SUMF1: variants seen among roughly 807,000 people sequenced by gnomAD.
SUMF1 encodes formylglycine-generating enzyme.
SUMF1 carries 48 observed loss-of-function variants against 47.6 expected under a neutral mutation model. The ratio of observed to expected loss-of-function variants is 1.01; its 90% CI spans 0.80 to 1.28. The LOEUF is 1.28. Among genes scored for constraint, SUMF1 ranks in the 50% most tolerant of loss-of-function variants. The pLI, the probability that SUMF1 is intolerant of heterozygous loss-of-function variation, is 0.00. For missense variants in SUMF1, 571 were observed against 485.4 expected, an observed-to-expected ratio of 1.18 and a Z score of -1.66; for synonymous variants, 230 against 192.1, an observed-to-expected ratio of 1.20 and a Z score of -1.63.
At chr3:4,083,635 G>C (rs1268582032) in intron 8 of SUMF1, among the ~76,000 whole-genome samples, 1 of 152,074 alleles carries the variant, frequency 6.6e-6, no homozygotes, top group Non-Finnish European at 1.5e-5. Flanking sequence ...TCTTATAGAA[G>C]AACTTATACC....
chr3:4,075,729 C>A (rs1270788583), intron 8 of SUMF1, among the ~76,000 whole-genome samples: 1 of 152,000 alleles, frequency 6.6e-6, no homozygotes, highest in Non-Finnish European at 1.5e-5. Context: ...GAGTGAACTC[C>A]CATTCACAAT....
intron 8 of SUMF1, among the ~76,000 whole-genome samples, chr3:4,147,262 C>A (rs1175604789): frequency 6.6e-6 from 1 of 152,074 alleles, no homozygotes; most frequent in Non-Finnish European, 1.5e-5. Flanking sequence ...TGTGGCGATT[C>A]CTCAGGGATC....
intron 7 of SUMF1, among the ~76,000 whole-genome samples, chr3:4,403,016 G>A (rs1332347995): frequency 6.6e-6 from 1 of 152,196 alleles, no homozygotes; most frequent in East Asian, 1.9e-4. Context: ...CACAGTAACA[G>A]TAGGCGTGCC....
At chr3:4,244,782 G>C (rs777001612) in intron 8 of SUMF1, among the ~76,000 whole-genome samples, 4 of 151,776 alleles carry the variant, frequency 2.6e-5, no homozygotes, top group African/African-American at 9.7e-5. Context: ...CTCTGAATTT[G>C]AATGTTGGCC....
chr3:4,168,487 T>G (rs2125121145), intron 8 of SUMF1, among the ~76,000 whole-genome samples: 1 of 152,288 alleles, frequency 6.6e-6, no homozygotes, highest in South Asian at 2.1e-4. Context: ...ATTAAACTAT[T>G]AGTAGGTGGT....
At chr3:4,428,688 G>A (rs943589795) in intron 3 of SUMF1, among the ~76,000 whole-genome samples, 6 of 145,978 alleles carry the variant, frequency 4.1e-5, no homozygotes, top group African/African-American at 7.5e-5. Context: ...CGTCTACAGC[G>A]AACATATTTT....
chr3:4,142,593 C>T (rs1042029249), intron 8 of SUMF1, among the ~76,000 whole-genome samples: 14 of 152,084 alleles, frequency 9.2e-5, no homozygotes, highest in African/African-American at 3.1e-4. Flanking sequence ...CAGTTTTCTG[C>T]TTGCTTAAGG....
chr3:4,256,105 C>T (rs1471466973), intron 8 of SUMF1, among the ~76,000 whole-genome samples: 7 of 145,466 alleles, frequency 4.8e-5, no homozygotes. Context: ...CTCTGGGACG[C>T]ATTCAAAGCA....
chr3:4,267,342 A>C (rs1037553489), intron 8 of SUMF1, among the ~76,000 whole-genome samples: 2 of 152,154 alleles, frequency 1.3e-5, no homozygotes, highest in African/African-American at 4.8e-5. Flanking sequence ...TCGGCTGTGA[A>C]TCCATCTGGT....
chr3:4,253,915 T>C (rs566652464), intron 8 of SUMF1, among the ~76,000 whole-genome samples: 1,930 of 150,176 alleles, frequency 0.013, 59 homozygotes, highest in African/African-American at 0.045. Context: ...GCTGGAGATC[T>C]GAGAACTGGC....
At chr3:4,335,440 C>T (rs1278222069) in intron 8 of SUMF1, among the ~76,000 whole-genome samples, 3 of 152,208 alleles carry the variant, frequency 2.0e-5, no homozygotes, top group African/African-American at 7.2e-5. Context: ...CAGCCTCTTA[C>T]CTGGAGATGG....
chr3:4,074,587 C>T (rs768953571), intron 8 of SUMF1, among the ~76,000 whole-genome samples: 1 of 151,904 alleles, frequency 6.6e-6, no homozygotes, highest in African/African-American at 2.4e-5. Context: ...AATAGATAAA[C>T]CACTAGCAAG....
intron 3 of SUMF1, among the ~76,000 whole-genome samples, chr3:4,421,198 G>A (rs1004349482): frequency 6.6e-6 from 1 of 152,182 alleles, no homozygotes; most frequent in African/African-American, 2.4e-5. Flanking sequence ...TCATGGCTCT[G>A]CTGTTCACGG....
chr3:4,436,130 A>G (rs937619486), intron 3 of SUMF1, among the ~76,000 whole-genome samples: 1 of 152,212 alleles, frequency 6.6e-6, no homozygotes, highest in Non-Finnish European at 1.5e-5. Context: ...TTTAAAAAGT[A>G]AATAAATAAA....
intron 9 of SUMF1, among the ~76,000 whole-genome samples, chr3:4,040,159 G>T (rs570097969): frequency 4.6e-5 from 7 of 152,184 alleles, no homozygotes; most frequent in Non-Finnish European, 8.8e-5. Flanking sequence ...TCACAATCTG[G>T]AAATATATCA....
rs572080908 is a variant in SUMF1 at position 4,251,928 on chromosome 3, G to A, written c.1014+124402C>T. On this transcript the variant is annotated intron_variant and NMD_transcript_variant, in intron 8 of 12. Transcript: ENST00000448413. ...AGATAATGCTATTTCACACTTAACA[G>A]ACCTACAGTAGTGTAAACATAAATT... Among the ~76,000 whole-genome samples the A allele has an allele frequency of 2.2e-4, 33 of 152,256 alleles. 1 individual carries two copies. The East Asian group carries it at 6.4e-3, about 29-fold the overall frequency.
chr3:4,222,317 C>G (rs1696084275), intron 8 of SUMF1, among the ~76,000 whole-genome samples: 1 of 152,056 alleles, frequency 6.6e-6, no homozygotes, highest in South Asian at 2.1e-4. Flanking sequence ...ATCACCTGAT[C>G]TTCCTCTACT....
rs1013162135 is a variant in SUMF1, at chr3:4,430,604, C to T, written c.520-10458G>A. On this transcript the variant is annotated intron_variant, in intron 3 of 8. Transcript: ENST00000272902. ...GGTTCATGATGCTATCTACGCATTC[C>T]GCAAATACTTGGTGAGCATCTTCTC... is the stretch of plus-strand genomic sequence containing the variant. Among the ~76,000 whole-genome samples the T allele has an allele frequency of 4.9e-5, 7 of 143,302 alleles. No individual in the cohort carries two copies. The East Asian group carries it at 5.8e-4, about 12-fold the overall frequency. The allele number at this position is 143,302 out of a possible 152,430, so 94.0% of individuals were successfully genotyped here. A position where few individuals can be genotyped will look rare whatever the true frequency, so the allele number is the denominator to read the frequency against.
intron 8 of SUMF1, among the ~76,000 whole-genome samples, chr3:4,283,622 T>C (rs190547464): frequency 1.3e-5 from 2 of 152,200 alleles, no homozygotes; most frequent in African/African-American, 2.4e-5. Context: ...ACAGTATATA[T>C]AGGCTTTAAT....
Sources: gnomAD v4.1 joint callset for allele counts (sites outside exome capture counted in the v4.1 genomes callset) on GRCh38, gnomAD v4.1.1 for gene constraint, MANE v1.5 for transcripts, NCBI Gene and HGNC (gene_info 2026-07-23, HGNC 2026-07-21) for gene names.